MSTO1: variants seen among roughly 807,000 people sequenced by gnomAD.
MSTO1 encodes misato mitochondrial distribution and morphology regulator 1.
A neutral mutation model predicts 55.7 loss-of-function variants in MSTO1; 24 were observed. That is an observed-to-expected ratio of 0.43 (90% confidence interval 0.31 to 0.61). The LOEUF (loss-of-function observed/expected upper bound fraction) is 0.61. MSTO1 is among the 20% of genes least tolerant of loss of function. MSTO1 has a pLI of 0.09. For synonymous variants in MSTO1, 162 were observed against 252.8 expected (o/e 0.64, Z 3.41); for missense variants, 363 against 625.7 (o/e 0.58, Z 4.48).
chr1:155,564,498 G>GA, the MSTO1 span, among the ~76,000 whole-genome samples: 1 of 151,866 alleles, frequency 6.6e-6, no homozygotes, highest in South Asian at 2.1e-4. Flanking sequence ...CCATCTGAGG[G>GA]AAAAAAATAA....
chr1:155,563,803 A>G, the MSTO1 span: 2 of 349,286 alleles, frequency 5.7e-6, no homozygotes, highest in Non-Finnish European at 1.1e-5. Flanking sequence ...ATATATGTAA[A>G]GTGGAATTAG....
At chr1:155,567,774 G>T in the MSTO1 span, among the ~76,000 whole-genome samples, 1 of 150,322 alleles carries the variant, frequency 6.7e-6, no homozygotes, top group Non-Finnish European at 1.5e-5. Flanking sequence ...GGTGGCTCAT[G>T]CCTGTAACCC....
upstream of MSTO1, among the ~76,000 whole-genome samples, chr1:155,608,231 A>G (rs1164226242): frequency 6.6e-6 from 1 of 152,160 alleles, no homozygotes; most frequent in Non-Finnish European, 1.5e-5. Flanking sequence ...TGCTCCAATC[A>G]TGGTTCACCG....
the MSTO1 span, chr1:155,591,053 G>A: frequency 6.2e-7 from 1 of 1,613,838 alleles, no homozygotes; most frequent in Non-Finnish European, 8.5e-7. Flanking sequence ...GGCAGCGCCA[G>A]CAGTGAGTCG....
At chr1:155,590,621 G>T in the MSTO1 span, 4 of 1,363,492 alleles carry the variant, frequency 2.9e-6, no homozygotes, top group African/African-American at 1.5e-5. Context: ...TTCTTGGTAG[G>T]GTACTCAGAG....
the MSTO1 span, among the ~76,000 whole-genome samples, chr1:155,578,507 C>CTTT: frequency 9.0e-5 from 9 of 99,504 alleles, 1 homozygote; most frequent in African/African-American, 2.3e-4. Context: ...CCCGGCTAAT[C>CTTT]TTTTTTTTTT....
At chr1:155,601,895 C>T in the MSTO1 span, among the ~76,000 whole-genome samples, 2 of 152,082 alleles carry the variant, frequency 1.3e-5, no homozygotes, top group Non-Finnish European at 2.9e-5. Context: ...GCTGGGACTA[C>T]AGGCGCCTGC....
the MSTO1 span, among the ~76,000 whole-genome samples, chr1:155,604,689 A>G: frequency 6.6e-6 from 1 of 151,894 alleles, no homozygotes; most frequent in Non-Finnish European, 1.5e-5. Context: ...CCGTCTGGGC[A>G]ACATGGTGAA....
the MSTO1 span, among the ~76,000 whole-genome samples, chr1:155,603,772 C>T: frequency 7.2e-5 from 11 of 152,148 alleles, no homozygotes; most frequent in South Asian, 1.2e-3. Flanking sequence ...GCAGGAGAAT[C>T]GCTTGAACCT....
chr1:155,587,745 G>GA, the MSTO1 span, among the ~76,000 whole-genome samples: 2,389 of 47,370 alleles, frequency 0.05, 38 homozygotes, highest in East Asian at 0.11. Context: ...CTCCGTCTCA[G>GA]AAAAAAAAAA....
the MSTO1 span, among the ~76,000 whole-genome samples, chr1:155,585,157 G>C: frequency 2.0e-5 from 3 of 152,182 alleles, no homozygotes; most frequent in African/African-American, 7.2e-5. Context: ...CTGGTACATA[G>C]TAGGTGCTCA....
the MSTO1 span, among the ~76,000 whole-genome samples, chr1:155,600,833 C>T: frequency 9.2e-5 from 14 of 152,152 alleles, no homozygotes; most frequent in East Asian, 1.9e-4. Context: ...CCTGCCACCA[C>T]GCCCGGCTAA....
chr1:155,575,799 TA>T, the MSTO1 span, among the ~76,000 whole-genome samples: 242 of 132,004 alleles, frequency 1.8e-3, no homozygotes, highest in East Asian at 0.025. Context: ...ATTTTATTTT[TA>T]TTTATTTATT....
chr1:155,576,300 T>C, the MSTO1 span, among the ~76,000 whole-genome samples: 1 of 152,120 alleles, frequency 6.6e-6, no homozygotes, highest in East Asian at 1.9e-4. Context: ...ATTCGTTATC[T>C]ATTTATAGTT....
chr1:155,591,174 C>T, the MSTO1 span: 1 of 1,613,118 alleles, frequency 6.2e-7, no homozygotes, highest in Non-Finnish European at 8.5e-7. Context: ...GGTCACTTTC[C>T]ACATGGGCAG....
At chr1:155,578,843 A>G in the MSTO1 span, among the ~76,000 whole-genome samples, 24 of 121,888 alleles carry the variant, frequency 2.0e-4, no homozygotes, top group African/African-American at 7.6e-4. Context: ...TTTTTTTTTC[A>G]GTAGAGACGA....
the MSTO1 span, among the ~76,000 whole-genome samples, chr1:155,583,050 T>A: frequency 1.3e-5 from 2 of 150,408 alleles, no homozygotes; most frequent in Non-Finnish European, 3.0e-5. Context: ...AAAAAAAAAA[T>A]TGTAGAGTTG....
At chr1:155,571,193 G>A in the MSTO1 span, among the ~76,000 whole-genome samples, 1 of 152,162 alleles carries the variant, frequency 6.6e-6, no homozygotes, top group African/African-American at 2.4e-5. Context: ...GGTGGTACAT[G>A]CCTATAGTCC....
the MSTO1 span, among the ~76,000 whole-genome samples, chr1:155,593,611 G>A: frequency 6.6e-6 from 1 of 152,140 alleles, no homozygotes; most frequent in Non-Finnish European, 1.5e-5. Flanking sequence ...ATACTGTATT[G>A]CCTAACATCT....
Sources: allele counts gnomAD v4.1 joint callset (sites outside exome capture counted in the v4.1 genomes callset), GRCh38; gene constraint gnomAD v4.1.1; transcripts MANE v1.5; gene names NCBI Gene and HGNC (gene_info 2026-07-23, HGNC 2026-07-21).